Variants in PUS7 observed in about 807,000 individuals in gnomAD.
The protein encoded by PUS7 is pseudouridylate synthase 7 homolog.
PUS7 carries 48 observed loss-of-function variants against 79.8 expected under a neutral mutation model. The ratio of observed to expected loss-of-function variants is 0.60; its 90% CI spans 0.48 to 0.76. The LOEUF (loss-of-function observed/expected upper bound fraction) is 0.76. Among genes scored for constraint, PUS7 ranks in the 30% least tolerant of loss-of-function variants. PUS7 has a pLI of 0.00. For missense variants in PUS7, 729 were observed against 797.6 expected (o/e 0.91, Z 1.04); for synonymous variants, 286 against 272.2 (o/e 1.05, Z -0.50).
chr7:105,499,268 G>T (rs1825156174), intron 5 of PUS7, among the ~76,000 whole-genome samples: 2 of 152,082 alleles, frequency 1.3e-5, no homozygotes, highest in Admixed American at 1.3e-4. Context: ...CTGATTATTG[G>T]GATTCCCTAT....
Position 105,508,436 on chromosome 7 carries a change from G to A in PUS7, c.77C>T (p.Pro26Leu). 6.2e-7 allele frequency: 1 copy of A among 1,614,062 alleles called. No individual in the cohort carries two copies. The highest frequency in any genetic ancestry group is 8.5e-7 in the Non-Finnish European group (1 of 1,180,034). The part of the protein sequence containing the change: ...LVVEDNDSGV[P>L]VEETKKQKLS... ...CTTCTGTTTTTTTGTCTCTTCAACT[G>A]GGACTCCACTGTCATTATCTTCGAC... The change falls in exon 2 of 16, where the codon CCA (proline) becomes CTA (leucine). Residue 26 changes from proline (P) to leucine (L), a missense_variant. Transcript: ENST00000469408.
chr7:105,484,111 T>G (rs895508053), intron 7 of PUS7, among the ~76,000 whole-genome samples: 9 of 152,198 alleles, frequency 5.9e-5, no homozygotes, highest in Non-Finnish European at 1.3e-4. Flanking sequence ...GGATAGTATT[T>G]ACTAGATTTT....
intron 15 of PUS7, among the ~76,000 whole-genome samples, chr7:105,458,544 G>C (rs928739285): frequency 2.1e-4 from 31 of 150,656 alleles, no homozygotes; most frequent in Non-Finnish European, 3.0e-4. Context: ...TGGGATTACA[G>C]GTGTGAGCCA....
At position 105,508,947 on chromosome 7, in the gene PUS7, G is replaced by A. The variant is rs182359793; in HGVS notation, c.-32-403C>T. 1.9e-3 allele frequency among the ~76,000 whole-genome samples: 285 copies of A among 147,370 alleles called. 2 individuals carry two copies. Among genetic ancestry groups the A allele is most frequent in the African/African-American group, 6.7e-3 (269 of 40,080 alleles). On this transcript the variant is annotated intron_variant, in intron 1 of 15. Transcript: ENST00000469408. ...TGTAATCCCAGCACTTTGGGAGGCC[G>A]AGGTGGGCGGATCACAAGGTCAGGG...
chr7:105,459,069 G>C, intron 15 of PUS7, 99 bp downstream of exon 15: 1 of 598,632 alleles, frequency 1.7e-6, no homozygotes, highest in South Asian at 2.8e-5. Context: ...ATCATGGGTG[G>C]TGGTAGTGCT....
intron 3 of PUS7, 48 bp from the exon 4 acceptor site, chr7:105,506,104 A>T: frequency 6.4e-7 from 1 of 1,573,948 alleles, no homozygotes; most frequent in East Asian, 2.3e-5. Flanking sequence ...ATAGAATTCA[A>T]GTTTAATAAA....
chr7:105,465,039 G>A (rs746314906), intron 13 of PUS7, among the ~76,000 whole-genome samples: 16 of 151,980 alleles, frequency 1.1e-4, no homozygotes, highest in South Asian at 2.1e-4. Context: ...GGCTGGTCTC[G>A]AATTCCAGAG....
intron 9 of PUS7, among the ~76,000 whole-genome samples, chr7:105,473,504 T>C (rs1823959443): frequency 6.6e-6 from 1 of 151,572 alleles, no homozygotes; most frequent in African/African-American, 2.4e-5. Flanking sequence ...CTGCAACTTC[T>C]GCCTGCCGGG....
chr7:105,456,975 A>G lies in PUS7; in HGVS notation c.*815T>C, dbSNP rs1298589510. 6.6e-6 allele frequency: 1 copy of G among 152,186 alleles called. No individual in the cohort carries two copies. Among genetic ancestry groups the G allele is most frequent in the Admixed American group, 6.5e-5 (1 of 15,272 alleles). The allele number at this position is 152,186 out of a possible 1,614,324, so 9.4% of individuals were successfully genotyped here. On this transcript the variant is annotated 3_prime_UTR_variant, in exon 16 of 16. Coordinates refer to ENST00000469408, the MANE Select transcript of PUS7 (RefSeq NM_019042.5). ...CAAACCCCCGTCTCTACAAAAAAAT[A>G]CAAAAATCAGCTAGGCGTGGTGGTG...
intron 9 of PUS7, among the ~76,000 whole-genome samples, chr7:105,478,139 G>A (rs1369661092): frequency 6.6e-6 from 1 of 152,100 alleles, no homozygotes; most frequent in Non-Finnish European, 1.5e-5. Flanking sequence ...GTTCATTCAC[G>A]TTGCAGAATG....
intron 14 of PUS7, among the ~76,000 whole-genome samples, chr7:105,460,779 G>A (rs907983634): frequency 4.7e-5 from 7 of 148,870 alleles, no homozygotes; most frequent in Non-Finnish European, 8.9e-5. Context: ...GCGCGAACCC[G>A]GGAGGCGGAG....
chr7:105,485,797 C>T (rs1245958940), intron 7 of PUS7, among the ~76,000 whole-genome samples: 3 of 152,086 alleles, frequency 2.0e-5, no homozygotes, highest in East Asian at 3.9e-4. Context: ...GCTTTAAGTG[C>T]TATATCTCTT....
At chr7:105,458,027 T>TCTG in intron 15 of PUS7, 101 bp from the exon 16 acceptor site, 1 of 1,339,536 alleles carries the variant, frequency 7.5e-7, no homozygotes, top group Non-Finnish European at 1.0e-6. Flanking sequence ...CTGTGCTGCT[T>TCTG]TCCTTAGACT....
In PUS7 at chr7:105,472,904, C is replaced by T. The variant is rs190555944; in HGVS notation, c.1176-711G>A. Among the ~76,000 whole-genome samples the T allele has an allele frequency of 5.2e-3, 788 of 150,826 alleles. 9 individuals carry two copies. Among genetic ancestry groups the T allele is most frequent in the African/African-American group, 0.018 (752 of 41,022 alleles). On this transcript the variant is annotated intron_variant, in intron 9 of 15. Transcript: ENST00000469408. Reference sequence around the variant, plus strand: ...GAGTAGCTGGGACTACAGGCACCTGCCACCTTGCCCAGCTACTTTTTTTTT... The same window carrying T: ...GAGTAGCTGGGACTACAGGCACCTGTCACCTTGCCCAGCTACTTTTTTTTT...
rs1823899292 is a variant in PUS7, at chr7:105,472,125, T to C, written c.1237+7A>G. 11 of 1,580,744 alleles carry C rather than the reference T, an allele frequency of 7.0e-6. No individual in the cohort carries two copies. Among genetic ancestry groups the C allele is most frequent in the Non-Finnish European group, 9.5e-6 (11 of 1,153,680 alleles). On this transcript the variant is annotated splice_region_variant and intron_variant, in intron 10 of 15. Coordinates refer to ENST00000469408, the MANE Select transcript of PUS7 (RefSeq NM_019042.5). Reference sequence around the variant, plus strand: ...ATTTATTTTCTTAACATGAATTTTATTCTCACCTCCAGAGCGGGGTTTCAA... The same window carrying C: ...ATTTATTTTCTTAACATGAATTTTACTCTCACCTCCAGAGCGGGGTTTCAA...
At chr7:105,521,754 G>A (rs934450029) in intron 1 of PUS7, among the ~76,000 whole-genome samples, 1 of 152,190 alleles carries the variant, frequency 6.6e-6, no homozygotes, top group Non-Finnish European at 1.5e-5. Flanking sequence ...GCCGCGCGGG[G>A]AGGAGGGGAG....
chr7:105,489,060 A>G (rs1467188009), intron 7 of PUS7, among the ~76,000 whole-genome samples: 1 of 146,452 alleles, frequency 6.8e-6, no homozygotes, highest in Non-Finnish European at 1.5e-5. Context: ...AGGCAGGAGA[A>G]TGGCGTGAAC....
chr7:105,474,597 T>C (rs2133094838), intron 9 of PUS7, among the ~76,000 whole-genome samples: 1 of 129,968 alleles, frequency 7.7e-6, no homozygotes, highest in Admixed American at 8.8e-5. Flanking sequence ...TGAAACCCCA[T>C]CTCTACTAAA....
intron 14 of PUS7, among the ~76,000 whole-genome samples, chr7:105,460,234 A>G (rs1184067486): frequency 1.3e-5 from 2 of 152,024 alleles, no homozygotes; most frequent in East Asian, 3.9e-4. Context: ...CACCGTGCCC[A>G]GCCGACAATT....
Sources: allele counts gnomAD v4.1 joint callset (sites outside exome capture counted in the v4.1 genomes callset), GRCh38; gene constraint gnomAD v4.1.1; transcripts MANE v1.5; gene names NCBI Gene and HGNC (gene_info 2026-07-23, HGNC 2026-07-21).